Variants in PDGFD observed in about 807,000 individuals in gnomAD.
PDGFD encodes platelet derived growth factor D.
A neutral mutation model predicts 44.7 loss-of-function variants in PDGFD; 30 were observed. The ratio of observed to expected loss-of-function variants is 0.67; its 90% CI spans 0.50 to 0.91. PDGFD has a LOEUF of 0.91. PDGFD is among the 40% of genes least tolerant of loss of function. PDGFD has a pLI of 0.00. For synonymous variants in PDGFD, 173 were observed against 168.4 expected (o/e 1.03, Z -0.21); for missense variants, 445 against 457.8 (o/e 0.97, Z 0.25).
At chr11:103,927,438 T>C (rs1419158643) in intron 5 of PDGFD, among the ~76,000 whole-genome samples, 1 of 152,190 alleles carries the variant, frequency 6.6e-6, no homozygotes, top group African/African-American at 2.4e-5. Context: ...AATGAAACAT[T>C]TGGCAAATTA....
chr11:104,073,965 C>A (rs1410790067), intron 1 of PDGFD, among the ~76,000 whole-genome samples: 1 of 152,142 alleles, frequency 6.6e-6, no homozygotes, highest in African/African-American at 2.4e-5. Context: ...ATTTTTAAAA[C>A]CTCTCTGTAA....
At chr11:104,130,151 G>A (rs1290351164) in intron 1 of PDGFD, among the ~76,000 whole-genome samples, 1 of 152,136 alleles carries the variant, frequency 6.6e-6, no homozygotes, top group African/African-American at 2.4e-5. Context: ...GCTGCAATCT[G>A]CAGAAATTCA....
chr11:104,079,236 C>A (rs542376346), intron 1 of PDGFD, among the ~76,000 whole-genome samples: 468 of 152,302 alleles, frequency 3.1e-3, no homozygotes, highest in Non-Finnish European at 5.6e-3. Context: ...CTCACCACAA[C>A]ATGTAGGTGA....
chr11:104,012,632 T>G (rs989011364), intron 1 of PDGFD, among the ~76,000 whole-genome samples: 3 of 152,232 alleles, frequency 2.0e-5, no homozygotes, highest in African/African-American at 7.2e-5. Context: ...GACTCTTCCC[T>G]AACGTGACTC....
intron 1 of PDGFD, among the ~76,000 whole-genome samples, chr11:104,121,788 C>A (rs1024357803): frequency 6.6e-6 from 1 of 151,974 alleles, no homozygotes; most frequent in Non-Finnish European, 1.5e-5. Flanking sequence ...GGATGAGAAA[C>A]GTGAGACTCA....
intron 1 of PDGFD, among the ~76,000 whole-genome samples, chr11:104,027,778 TTGCAGA>T (rs1860064577): frequency 6.6e-6 from 1 of 152,228 alleles, no homozygotes; most frequent in African/African-American, 2.4e-5. Flanking sequence ...TGATAGTTTT[TTGCAGA>T]TGCCTGTATT....
At chr11:104,093,641 TC>T (rs983827723) in intron 1 of PDGFD, among the ~76,000 whole-genome samples, 1 of 151,910 alleles carries the variant, frequency 6.6e-6, no homozygotes, top group African/African-American at 2.4e-5. Context: ...ACTCCCTCAC[TC>T]CCTCACTTTT....
intron 2 of PDGFD, among the ~76,000 whole-genome samples, chr11:103,999,027 A>AGT (rs1430166611): frequency 1.3e-5 from 2 of 152,108 alleles, no homozygotes; most frequent in African/African-American, 4.8e-5. Flanking sequence ...GATCAGCATT[A>AGT]GTTTATTCTC....
intron 1 of PDGFD, among the ~76,000 whole-genome samples, chr11:104,111,355 G>A (rs1481852781): frequency 2.1e-5 from 3 of 146,190 alleles, no homozygotes; most frequent in Admixed American, 7.1e-5. Flanking sequence ...CCACCTCCCC[G>A]AGGCTCAAGT....
chr11:104,044,036 T>C (rs539817223), intron 1 of PDGFD, among the ~76,000 whole-genome samples: 2 of 152,278 alleles, frequency 1.3e-5, no homozygotes, highest in East Asian at 1.9e-4. Flanking sequence ...ACCAGCGAAA[T>C]AGTCACAAGG....
At chr11:103,926,828 A>C (rs1858322546) in intron 6 of PDGFD, 84 bp downstream of exon 6, 2 of 1,392,016 alleles carry the variant, frequency 1.4e-6, no homozygotes, top group African/African-American at 1.4e-5. Context: ...TGCAGTGAAC[A>C]ACCTGAACAA....
chr11:103,975,968 G>A (rs1017848753), intron 3 of PDGFD, among the ~76,000 whole-genome samples: 19 of 152,082 alleles, frequency 1.2e-4, no homozygotes, highest in African/African-American at 4.3e-4. Context: ...GGATTGTCTT[G>A]GCTATATGGG....
chr11:104,069,361 ACAAATGG>A (rs1310356609), intron 1 of PDGFD, among the ~76,000 whole-genome samples: 1 of 152,192 alleles, frequency 6.6e-6, no homozygotes, highest in African/African-American at 2.4e-5. Flanking sequence ...TATTAGACTC[ACAAATGG>A]CAAGGTTATT....
intron 1 of PDGFD, among the ~76,000 whole-genome samples, chr11:104,022,997 A>G (rs1484151903): frequency 6.6e-6 from 1 of 152,130 alleles, no homozygotes; most frequent in Non-Finnish European, 1.5e-5. Flanking sequence ...CTGCCCAAGG[A>G]ACAAAACATA....
At chr11:104,152,631 A>G (rs537713437) in intron 1 of PDGFD, among the ~76,000 whole-genome samples, 15 of 152,242 alleles carry the variant, frequency 9.9e-5, no homozygotes, top group African/African-American at 3.6e-4. Context: ...GATTCATTCT[A>G]GTCAGTGTTA....
intron 6 of PDGFD, among the ~76,000 whole-genome samples, chr11:103,910,884 T>A (rs1858017265): frequency 6.6e-6 from 1 of 152,144 alleles, no homozygotes; most frequent in Non-Finnish European, 1.5e-5. Context: ...ATGCTTGAGC[T>A]TGGTGAGGGG....
At chr11:104,054,230 C>G (rs1378874812) in intron 1 of PDGFD, among the ~76,000 whole-genome samples, 1 of 152,202 alleles carries the variant, frequency 6.6e-6, no homozygotes, top group Admixed American at 6.5e-5. Context: ...GGAAATAAAG[C>G]TTTGGTAAAA....
Position 104,050,635 on chromosome 11 carries a change from C to T in PDGFD, c.125-50380G>A, listed in dbSNP as rs115389360. 5.8e-3 allele frequency among the ~76,000 whole-genome samples: 887 copies of T among 152,198 alleles called. 4 individuals are homozygous for T. Among genetic ancestry groups the T allele is most frequent in the East Asian group, 0.048 (247 of 5,154 alleles). The stretch of plus-strand genomic sequence containing the variant: ...TGATAACGTGTGGGTCTGCTCCACT[C>T]GGAAACACCCAGAAATGTGTGGGGC... On this transcript the variant is annotated intron_variant, in intron 1 of 6. Coordinates refer to ENST00000393158, the MANE Select transcript of PDGFD (RefSeq NM_025208.5).
At chr11:104,008,679 C>T (rs187248803) in intron 1 of PDGFD, among the ~76,000 whole-genome samples, 1 of 152,050 alleles carries the variant, frequency 6.6e-6, no homozygotes, top group Admixed American at 6.6e-5. Context: ...TGAAGATACT[C>T]AAAAGTGCTG....
Sources: allele counts gnomAD v4.1 joint callset (sites outside exome capture counted in the v4.1 genomes callset), GRCh38; gene constraint gnomAD v4.1.1; transcripts MANE v1.5; gene names NCBI Gene and HGNC (gene_info 2026-07-23, HGNC 2026-07-21).